The following NOSTRIN variants were observed in gnomAD, a reference collection of about 807,000 sequenced individuals.
NOSTRIN encodes the protein nitric oxide synthase trafficking, also known as BM247 homolog.
Under a neutral mutation model 59.0 loss-of-function variants are expected in NOSTRIN, and 63 were observed. The ratio of observed to expected loss-of-function variants is 1.07; its 90% CI spans 0.87 to 1.32. The LOEUF (loss-of-function observed/expected upper bound fraction) is 1.32. Among genes scored for constraint, NOSTRIN ranks in the 40% most tolerant of loss-of-function variants. The pLI is 0.00. For synonymous variants in NOSTRIN, 200 were observed against 165.4 expected, an observed-to-expected ratio of 1.21 and a Z score of -1.61; for missense variants, 512 against 473.1, an observed-to-expected ratio of 1.08 and a Z score of -0.76.
chr2:168,863,311 T>G (rs1164743059), intron 15 of NOSTRIN: 1 of 694,160 alleles, frequency 1.4e-6, no homozygotes, highest in Non-Finnish European at 1.8e-6. Flanking sequence ...CCTTTAAGAA[T>G]AGTGATTTAT....
chr2:168,850,889 G>A (rs973763211), intron 8 of NOSTRIN, 195 bp from the exon 9 acceptor site: 5 of 797,144 alleles, frequency 6.3e-6, no homozygotes, highest in Non-Finnish European at 1.1e-5. Context: ...CCTGGGGAAA[G>A]TGTGTGAGTG....
At position 168,843,094 on chromosome 2, in the gene NOSTRIN, AAC is replaced by A. The variant is rs1207492485; in HGVS notation, c.612_613del (p.Leu205ArgfsTer21). On this transcript the variant is annotated frameshift_variant, in exon 8 of 16. Transcript: ENST00000317647. LOFTEE classifies it high-confidence loss of function. ...TTATTCTACCAGACTGAAATGGGAA[AAC>A]ACACTAGAGAACTGCTACCAGGTAA... ...AGYSTRLKWENTLENCYQSIL... is the reference protein window; with the variant it reads ...AGYSTRLKWEXTLENCYQSIL... 3 of 872,392 alleles carry A rather than the reference AAC, an allele frequency of 3.4e-6. No individual in the cohort carries two copies. Among genetic ancestry groups the A allele is most frequent in the South Asian group, 1.3e-5 (1 of 76,432 alleles). 54.0% of individuals were successfully genotyped at this position (872,392 alleles called of 1,614,324 possible).
At chr2:168,830,530 T>G (rs1174186840) in intron 5 of NOSTRIN, among the ~76,000 whole-genome samples, 2 of 152,226 alleles carry the variant, frequency 1.3e-5, no homozygotes, top group Non-Finnish European at 2.9e-5. Flanking sequence ...AGTGTAGCAT[T>G]CGCTAGATCT....
chr2:168,823,985 GA>G (rs939396746), intron 2 of NOSTRIN, among the ~76,000 whole-genome samples: 11 of 152,134 alleles, frequency 7.2e-5, no homozygotes, highest in Admixed American at 5.2e-4. Flanking sequence ...TAAGGCAAAA[GA>G]ATCACTTGAA....
intron 8 of NOSTRIN, among the ~76,000 whole-genome samples, chr2:168,843,953 T>C (rs2461385): frequency 0.89 from 134,789 of 152,272 alleles, 59,887 homozygotes; most frequent in African/African-American, 0.97. Flanking sequence ...AATCTTCATA[T>C]CCATCAAGAG....
At position 168,864,984 on chromosome 2, in the gene NOSTRIN, A is replaced by T. The variant is rs1196254755; in HGVS notation, c.*14A>T. Reference sequence around the variant, plus strand: ...ACAAAGGCATAAAACAAGACTCTGAACATACTACCTTCACACTCGGTAATC... The same window carrying T: ...ACAAAGGCATAAAACAAGACTCTGATCATACTACCTTCACACTCGGTAATC... On this transcript the variant is annotated 3_prime_UTR_variant, in exon 16 of 16. Transcript: ENST00000317647. 2 of 1,613,578 alleles carry T rather than the reference A, an allele frequency of 1.2e-6. No individual in the cohort carries two copies. Among genetic ancestry groups the T allele is most frequent in the Admixed American group, 3.3e-5 (2 of 59,982 alleles).
At chr2:168,798,074 A>G (rs1271451725), upstream of NOSTRIN, 3 of 152,182 alleles carry the variant, frequency 2.0e-5, no homozygotes, top group Non-Finnish European at 4.4e-5. Context: ...ACCTAATGCT[A>G]TGTAAACGTT....
upstream of NOSTRIN, among the ~76,000 whole-genome samples, chr2:168,793,777 C>G (rs574785882): frequency 2.0e-5 from 3 of 152,282 alleles, no homozygotes; most frequent in South Asian, 4.1e-4. Flanking sequence ...GCCTCATGAA[C>G]TATAAGGTCC....
chr2:168,793,404 T>C (rs551998643), upstream of NOSTRIN, among the ~76,000 whole-genome samples: 5 of 152,238 alleles, frequency 3.3e-5, no homozygotes, highest in South Asian at 8.3e-4. Context: ...CCCAGGAGCT[T>C]TGAAACCAGC....
chr2:168,859,658 T>C (rs1574340640), intron 13 of NOSTRIN, 21 bp downstream of exon 13: 2 of 1,611,900 alleles, frequency 1.2e-6, no homozygotes, highest in Non-Finnish European at 1.7e-6. Context: ...AGGAGACTGG[T>C]TGTAATTTCT....
chr2:168,812,938 A>C (rs2105557315), intron 2 of NOSTRIN, among the ~76,000 whole-genome samples: 1 of 152,350 alleles, frequency 6.6e-6, no homozygotes, highest in East Asian at 1.9e-4. Flanking sequence ...ATGGGGCCAA[A>C]GAAAGATATG....
At position 168,792,626 on chromosome 2, in the gene NOSTRIN, T is replaced by C. The variant is rs1460379943; in HGVS notation, c.-473+4578T>C. 7.9e-5 allele frequency among the ~76,000 whole-genome samples: 12 copies of C among 152,082 alleles called. No homozygotes were observed. The East Asian group carries it at 2.3e-3, about 29-fold the overall frequency. ...CACCACACTCAGCTAATTTTTTGTTTGTTTGTTTGTTTTGTTTTGTTTTTT... is the reference window on the plus strand; with the variant it reads ...CACCACACTCAGCTAATTTTTTGTTCGTTTGTTTGTTTTGTTTTGTTTTTT... On this transcript the variant is annotated intron_variant, in intron 2 of 20. Coordinates refer to the NOSTRIN transcript ENST00000458381.
At chr2:168,846,903 G>A (rs1398696836) in intron 8 of NOSTRIN, among the ~76,000 whole-genome samples, 1 of 152,154 alleles carries the variant, frequency 6.6e-6, no homozygotes, top group Non-Finnish European at 1.5e-5. Flanking sequence ...TAAAATGGAC[G>A]CCTCAGGACA....
At chr2:168,796,242 A>G (rs1685475000), upstream of NOSTRIN, among the ~76,000 whole-genome samples, 1 of 152,252 alleles carries the variant, frequency 6.6e-6, no homozygotes, top group Non-Finnish European at 1.5e-5. Context: ...GGCGTCGTCC[A>G]GGACTCAGAA....
chr2:168,836,377 T>C (rs1186210187), intron 7 of NOSTRIN, among the ~76,000 whole-genome samples: 2 of 152,202 alleles, frequency 1.3e-5, no homozygotes, highest in Non-Finnish European at 2.9e-5. Flanking sequence ...AGATCCACAG[T>C]GCTCTCTCCT....
rs80322747 is a variant in NOSTRIN at position 168,833,220 on chromosome 2, G to A, written c.406-1007G>A. 5.2e-3 allele frequency among the ~76,000 whole-genome samples: 785 copies of A among 152,272 alleles called. 27 individuals carry two copies. In the East Asian group the frequency reaches 0.085, roughly 17 times the overall value. ...GTCAGTAATGAAGTAGTCTATTTGG[G>A]AGACTCTAATGAAAAGCCTTAAAGG... On this transcript the variant is annotated intron_variant, in intron 6 of 15. Transcript: ENST00000317647.
chr2:168,793,868 A>G (rs961524496), upstream of NOSTRIN, among the ~76,000 whole-genome samples: 5 of 152,206 alleles, frequency 3.3e-5, no homozygotes, highest in Admixed American at 1.3e-4. Context: ...TTACGTAAAC[A>G]CAGCTGATAC....
chr2:168,817,383 A>G (rs862638), intron 2 of NOSTRIN, among the ~76,000 whole-genome samples: 95,524 of 152,108 alleles, frequency 0.63, 30,402 homozygotes, highest in African/African-American at 0.73. Flanking sequence ...TGGGGAGCCC[A>G]CAGGGGCTAC....
At chr2:168,834,138 A>G (rs1026570495) in intron 6 of NOSTRIN, 89 bp from the exon 7 acceptor site, 2 of 717,256 alleles carry the variant, frequency 2.8e-6, no homozygotes, top group Non-Finnish European at 5.0e-6. Flanking sequence ...AAGCTAGCAC[A>G]TGAATGTGCT....
Sources: gnomAD v4.1 joint callset for allele counts (sites outside exome capture counted in the v4.1 genomes callset) on GRCh38, gnomAD v4.1.1 for gene constraint, MANE v1.5 for transcripts, NCBI Gene and HGNC (gene_info 2026-07-23, HGNC 2026-07-21) for gene names.